SNX25: variants seen among roughly 807,000 people sequenced by gnomAD.
SNX25 encodes sorting nexin 25, also known as sorting nexin-25.
Under a neutral mutation model 113.7 loss-of-function variants are expected in SNX25, and 62 were observed. The observed-to-expected ratio is 0.55, with a 90% CI of 0.44 to 0.67. The LOEUF (loss-of-function observed/expected upper bound fraction) is 0.67, where lower values mean the gene tolerates loss of function less well. Ranked by LOEUF, SNX25 falls within the 30% of genes least tolerant of loss-of-function variation. SNX25 has a pLI of 0.00. For missense variants in SNX25, 1,014 were observed against 1,161.0 expected, an observed-to-expected ratio of 0.87 and a Z score of 1.84; for synonymous variants, 421 against 436.2, an observed-to-expected ratio of 0.97 and a Z score of 0.43.
chr4:185,282,838 G>T (rs1177874150), intron 5 of SNX25, among the ~76,000 whole-genome samples: 2 of 152,144 alleles, frequency 1.3e-5, no homozygotes, highest in East Asian at 3.9e-4. Flanking sequence ...CCTGATTCTT[G>T]AACCGAACTC....
At chr4:185,217,680 A>G (rs1158662185) in intron 1 of SNX25, among the ~76,000 whole-genome samples, 2 of 152,154 alleles carry the variant, frequency 1.3e-5, no homozygotes, top group South Asian at 2.1e-4. Flanking sequence ...TTTCCCAACC[A>G]TATCATTTTG....
At chr4:185,278,218 T>C (rs1750034133) in intron 5 of SNX25, among the ~76,000 whole-genome samples, 2 of 152,186 alleles carry the variant, frequency 1.3e-5, no homozygotes, top group Non-Finnish European at 2.9e-5. Flanking sequence ...CCCTGTACTG[T>C]AGAGAAATGC....
downstream of SNX25, chr4:185,374,560 C>T (rs900053151): frequency 3.3e-5 from 42 of 1,267,638 alleles, no homozygotes; most frequent in Middle Eastern, 2.4e-4. Context: ...CCCTCTGACA[C>T]GATGTATAAT....
chr4:185,325,511 C>A (rs1034074055), intron 9 of SNX25, among the ~76,000 whole-genome samples: 1 of 122,648 alleles, frequency 8.2e-6, no homozygotes, highest in Non-Finnish European at 1.6e-5. Flanking sequence ...CCAGCCTGGG[C>A]GACAATGTGA....
intron 2 of SNX25, among the ~76,000 whole-genome samples, chr4:185,258,407 C>T (rs931060289): frequency 2.6e-5 from 4 of 152,178 alleles, no homozygotes; most frequent in Non-Finnish European, 4.4e-5. Flanking sequence ...GTGCTACTGA[C>T]AGACTTAATG....
intron 6 of SNX25, among the ~76,000 whole-genome samples, chr4:185,291,682 C>T (rs1752191955): frequency 6.6e-6 from 1 of 152,180 alleles, no homozygotes; most frequent in Non-Finnish European, 1.5e-5. Flanking sequence ...TGTTCCCTGG[C>T]CTGGAGATAT....
At chr4:185,331,756 G>A (rs979679110) in intron 9 of SNX25, among the ~76,000 whole-genome samples, 3 of 152,146 alleles carry the variant, frequency 2.0e-5, no homozygotes, top group African/African-American at 7.2e-5. Flanking sequence ...ACTCCAGCCT[G>A]AGCAACAGAG....
At chr4:185,315,902 A>G in intron 7 of SNX25, among the ~76,000 whole-genome samples, 1 of 152,194 alleles carries the variant, frequency 6.6e-6, no homozygotes, top group Non-Finnish European at 1.5e-5. Flanking sequence ...TTGCAATGCT[A>G]TTATTAAGGC....
intron 5 of SNX25, among the ~76,000 whole-genome samples, chr4:185,275,096 T>A (rs1057427874): frequency 6.6e-6 from 1 of 152,230 alleles, no homozygotes; most frequent in African/African-American, 2.4e-5. Context: ...ACAGCTATTA[T>A]TAGGACAGTG....
chr4:185,276,540 G>A (rs2126576475), intron 5 of SNX25, among the ~76,000 whole-genome samples: 1 of 152,336 alleles, frequency 6.6e-6, no homozygotes, highest in South Asian at 2.1e-4. Context: ...ATATGTGCAA[G>A]CAAGCAGCAT....
At chr4:185,205,732 C>T (rs573268481), upstream of SNX25, among the ~76,000 whole-genome samples, 1 of 152,178 alleles carries the variant, frequency 6.6e-6, no homozygotes, top group African/African-American at 2.4e-5. Flanking sequence ...AGGAGGCTGA[C>T]GCAGAAGAAT....
chr4:185,265,918 G>T (rs895010026), intron 4 of SNX25, among the ~76,000 whole-genome samples: 3 of 152,052 alleles, frequency 2.0e-5, no homozygotes, highest in Non-Finnish European at 2.9e-5. Context: ...ATTATGTGGC[G>T]CATGACTGTA....
At chr4:185,264,191 A>G (rs894689669) in intron 3 of SNX25, among the ~76,000 whole-genome samples, 17 of 152,222 alleles carry the variant, frequency 1.1e-4, no homozygotes, top group African/African-American at 3.6e-4. Context: ...TTGGAGTTAT[A>G]TAGACCCTTT....
At chr4:185,345,571 G>T (rs2095281534) in intron 12 of SNX25, among the ~76,000 whole-genome samples, 1 of 152,062 alleles carries the variant, frequency 6.6e-6, no homozygotes. Flanking sequence ...GAGGCAGGAG[G>T]ATCGCTTGTA....
upstream of SNX25, chr4:185,209,449 C>T (rs1183638391): frequency 1.3e-5 from 2 of 152,402 alleles, no homozygotes; most frequent in East Asian, 1.9e-4. This position sits in a 1 kb window ranked among gnomAD's most constrained non-coding sequence, Gnocchi z 5.2. Context: ...GTCGCGCCCT[C>T]TCCCCGTGGG....
At chr4:185,272,268 G>A (rs1749045258) in intron 5 of SNX25, among the ~76,000 whole-genome samples, 1 of 152,204 alleles carries the variant, frequency 6.6e-6, no homozygotes, top group Admixed American at 6.5e-5. Flanking sequence ...GCAAACCAGA[G>A]CTCAGAATGA....
intron 1 of SNX25, among the ~76,000 whole-genome samples, chr4:185,246,920 A>T (rs1201161790): frequency 6.6e-6 from 1 of 152,158 alleles, no homozygotes; most frequent in Non-Finnish European, 1.5e-5. Context: ...GTGAATATCA[A>T]ATTATTCCAA....
intron 9 of SNX25, among the ~76,000 whole-genome samples, chr4:185,328,188 A>G (rs904861396): frequency 6.6e-6 from 1 of 152,212 alleles, no homozygotes; most frequent in Non-Finnish European, 1.5e-5. Context: ...TAATTTCCCA[A>G]TTGGATTATT....
Position 185,214,022 on chromosome 4 carries a change from A to G in SNX25, c.429+3767A>G, listed in dbSNP as rs1379891423. ...GACCGTGATGTAACCGAGTACCCCT[A>G]CTTTCCTAAGAGATGGTTTAATTAT... On this transcript the variant is annotated intron_variant, in intron 1 of 18. Transcript: ENST00000652585. 4.0e-5 allele frequency among the ~76,000 whole-genome samples: 6 copies of G among 149,118 alleles called. No homozygotes were observed. The South Asian group carries it at 6.3e-4, about 16-fold the overall frequency.
Sources: allele counts gnomAD v4.1 joint callset (sites outside exome capture counted in the v4.1 genomes callset), GRCh38; gene constraint gnomAD v4.1.1; non-coding constraint Gnocchi (gnomAD v3.1); transcripts MANE v1.5; gene names NCBI Gene and HGNC (gene_info 2026-07-23, HGNC 2026-07-21).